The following ELOVL7 variants were observed in gnomAD, a reference collection of about 807,000 sequenced individuals.
The protein encoded by ELOVL7 is very long chain fatty acid elongase 7.
ELOVL7 carries 27 observed loss-of-function variants against 35.7 expected under a neutral mutation model. The observed-to-expected ratio is 0.76, with a 90% confidence interval of 0.56 to 1.04. ELOVL7 has a LOEUF of 1.04. ELOVL7 is among the 50% of genes least tolerant of loss of function. The probability of loss-of-function intolerance (pLI) is 0.00; values close to 1 mark genes in which losing one functional copy is unlikely to be tolerated. For missense variants in ELOVL7, 327 were observed against 340.8 expected (o/e 0.96, Z 0.32); for synonymous variants, 113 against 114.6 (o/e 0.99, Z 0.09).
At chr5:60,825,761 A>G (rs1746134221) in intron 1 of ELOVL7, among the ~76,000 whole-genome samples, 1 of 152,258 alleles carries the variant, frequency 6.6e-6, no homozygotes, top group African/African-American at 2.4e-5. Context: ...CAAAGAATAA[A>G]GGACAGAGCT....
chr5:60,830,892 A>G (rs1746445860), intron 1 of ELOVL7, among the ~76,000 whole-genome samples: 1 of 152,126 alleles, frequency 6.6e-6, no homozygotes, highest in African/African-American at 2.4e-5. Context: ...GATTATGGGA[A>G]TACAGCAGGA....
chr5:60,834,944 A>G (rs1454382599), intron 1 of ELOVL7, among the ~76,000 whole-genome samples: 1 of 151,912 alleles, frequency 6.6e-6, no homozygotes, highest in Non-Finnish European at 1.5e-5. Flanking sequence ...TAATTCCAGC[A>G]CTTTGGGAGG....
chr5:60,798,852 A>C lies in ELOVL7; in HGVS notation c.-35+328T>G, dbSNP rs1051218787. On this transcript the variant is annotated intron_variant, in intron 2 of 8. Coordinates refer to ENST00000508821, the MANE Select transcript of ELOVL7 (RefSeq NM_024930.3). ...TGAACTTGAAGTACGCGTTAGACTAAATGAACTTAACAGACATGTGCTGAA... is the reference window on the plus strand; with the variant it reads ...TGAACTTGAAGTACGCGTTAGACTACATGAACTTAACAGACATGTGCTGAA... Among the ~76,000 whole-genome samples, 6 of 152,334 alleles carry C rather than the reference A, an allele frequency of 3.9e-5. 1 individual carries two copies. The highest frequency in any genetic ancestry group is 6.5e-5 in the Admixed American group (1 of 15,302).
rs574954813 is a variant in ELOVL7, at chr5:60,807,164, G to GT, written c.-85-7935dup. Among the ~76,000 whole-genome samples the GT allele has an allele frequency of 2.1e-3, 307 of 148,056 alleles. 2 individuals are homozygous for GT. The highest frequency in any genetic ancestry group is 4.9e-3 in the African/African-American group (200 of 40,414). On this transcript the variant is annotated intron_variant, in intron 1 of 8. Transcript: ENST00000508821. The stretch of plus-strand genomic sequence containing the variant: ...CAAACAGACTAACAATCCTAATTTT[G>GT]TTTTTTTTTTCTCCAGGTGGTGAAT...
chr5:60,818,835 G>A (rs530443461), intron 1 of ELOVL7, among the ~76,000 whole-genome samples: 6 of 151,224 alleles, frequency 4.0e-5, no homozygotes, highest in East Asian at 2.0e-4. Context: ...GTGAAACCCC[G>A]TCTCTACTAA....
At chr5:60,802,093 T>TATATATAC (rs1744666292) in intron 1 of ELOVL7, among the ~76,000 whole-genome samples, 1 of 13,998 alleles carries the variant, frequency 7.1e-5, no homozygotes, top group Non-Finnish European at 1.2e-4. Flanking sequence ...TATATATATA[T>TATATATAC]ATATATATAT....
intron 1 of ELOVL7, among the ~76,000 whole-genome samples, chr5:60,801,451 C>T (rs964198848): frequency 5.9e-5 from 9 of 152,128 alleles, no homozygotes; most frequent in African/African-American, 2.2e-4. Context: ...TCCGTAATCC[C>T]AGCACTTTGG....
intron 4 of ELOVL7, among the ~76,000 whole-genome samples, chr5:60,771,229 A>G (rs909119065): frequency 2.0e-5 from 3 of 152,150 alleles, no homozygotes; most frequent in African/African-American, 7.2e-5. Flanking sequence ...AAGAACATAC[A>G]TGGGGGTGGC....
At chr5:60,787,521 A>T (rs1383787995) in intron 2 of ELOVL7, 90 bp from the exon 3 acceptor site, 1 of 673,694 alleles carries the variant, frequency 1.5e-6, no homozygotes, top group Non-Finnish European at 2.3e-6. Flanking sequence ...AATGCTAAAA[A>T]TTTAATATGA....
intron 3 of ELOVL7, among the ~76,000 whole-genome samples, chr5:60,781,192 C>T (rs1248019098): frequency 7.1e-6 from 1 of 141,284 alleles, no homozygotes; most frequent in Non-Finnish European, 1.5e-5. Context: ...GCCTGGGCAA[C>T]AGAGTAAGAC....
rs1278299652 is a variant in ELOVL7, at chr5:60,753,194, A to G, written c.*1430T>C. ...CCTACAAACATAAACAGTGCTTCAA[A>G]ATTGAGTATAAATAAAAGAAGAAAA... On this transcript the variant is annotated 3_prime_UTR_variant, in exon 9 of 9. Coordinates refer to ENST00000508821, the MANE Select transcript of ELOVL7 (RefSeq NM_024930.3). 6.6e-6 allele frequency: 1 copy of G among 151,978 alleles called. No individual in the cohort carries two copies. Among genetic ancestry groups the G allele is most frequent in the Non-Finnish European group, 1.5e-5 (1 of 67,976 alleles). The allele number at this position is 151,978 out of a possible 1,614,324, so 9.4% of individuals were successfully genotyped here.
Position 60,752,146 on chromosome 5 carries a change from G to A in ELOVL7, c.*2478C>T, listed in dbSNP as rs543166438. 2 of 152,278 alleles carry A rather than the reference G, an allele frequency of 1.3e-5. No individual in the cohort carries two copies. Among genetic ancestry groups the A allele is most frequent in the East Asian group, 3.9e-4 (2 of 5,184 alleles). The allele number at this position is 152,278 out of a possible 1,614,324, so 9.4% of individuals were successfully genotyped here. A position where few individuals can be genotyped will look rare whatever the true frequency, so the allele number is the denominator to read the frequency against. Reference sequence around the variant, plus strand: ...GGATGAAATCCCAAAGGAACTCTATGTGACCACACAGAACTCTTTTAATAA... The same window carrying A: ...GGATGAAATCCCAAAGGAACTCTATATGACCACACAGAACTCTTTTAATAA... On this transcript the variant is annotated 3_prime_UTR_variant, in exon 9 of 9. Coordinates refer to ENST00000508821, the MANE Select transcript of ELOVL7 (RefSeq NM_024930.3).
At chr5:60,818,319 GAAAAAAA>G (rs60141189) in intron 1 of ELOVL7, among the ~76,000 whole-genome samples, 78 of 70,578 alleles carry the variant, frequency 1.1e-3, no homozygotes, top group Non-Finnish European at 1.5e-3. Context: ...TTCCATCTCA[GAAAAAAA>G]AAAAAAAAAA....
At chr5:60,797,275 G>A (rs140788915) in intron 2 of ELOVL7, among the ~76,000 whole-genome samples, 2,888 of 152,168 alleles carry the variant, frequency 0.019, 58 homozygotes, top group Non-Finnish European at 0.023. Context: ...CTATTACACA[G>A]GATTTTGTGT....
chr5:60,754,424 C>T lies in ELOVL7; in HGVS notation c.*200G>A. Reference sequence around the variant, plus strand: ...ACAAAAACAAAAACAAAAACAAATTCTGGCTGCTGTAGGCTCTAATTATCA... The same window carrying T: ...ACAAAAACAAAAACAAAAACAAATTTTGGCTGCTGTAGGCTCTAATTATCA... On this transcript the variant is annotated 3_prime_UTR_variant, in exon 9 of 9. Transcript: ENST00000508821. 1 of 549,324 alleles carries T rather than the reference C, an allele frequency of 1.8e-6. No individual in the cohort carries two copies. The highest frequency in any genetic ancestry group is 3.3e-5 in the Admixed American group (1 of 30,604). The allele number at this position is 549,324 out of a possible 1,614,324, so 34.0% of individuals were successfully genotyped here. A position where few individuals can be genotyped will look rare whatever the true frequency, so the allele number is the denominator to read the frequency against.
intron 1 of ELOVL7, among the ~76,000 whole-genome samples, chr5:60,839,351 G>A (rs1161973441): frequency 2.0e-5 from 3 of 151,960 alleles, no homozygotes; most frequent in Non-Finnish European, 4.4e-5. Context: ...GAAAAAAAAA[G>A]AAAGGAAAAG....
intron 3 of ELOVL7, among the ~76,000 whole-genome samples, chr5:60,777,114 G>A (rs1397830722): frequency 2.3e-5 from 3 of 132,070 alleles, no homozygotes; most frequent in African/African-American, 8.7e-5. Context: ...TAGGGGGGTT[G>A]GGGGGGAGGT....
intron 1 of ELOVL7, among the ~76,000 whole-genome samples, chr5:60,815,050 T>C (rs1313532912): frequency 6.6e-6 from 1 of 152,180 alleles, no homozygotes; most frequent in Non-Finnish European, 1.5e-5. Flanking sequence ...TCAAAGCATA[T>C]ACAGAATTTT....
chr5:60,843,444 T>C (rs1747304851), intron 1 of ELOVL7: 1 of 151,972 alleles, frequency 6.6e-6, no homozygotes, highest in Admixed American at 6.6e-5. Context: ...AACAACAGGC[T>C]TTCCTGTTTC....
Sources: gnomAD v4.1 joint callset for allele counts (sites outside exome capture counted in the v4.1 genomes callset) on GRCh38, gnomAD v4.1.1 for gene constraint, MANE v1.5 for transcripts, NCBI Gene and HGNC (gene_info 2026-07-23, HGNC 2026-07-21) for gene names.